The following KCNH8 variants were observed in gnomAD, a reference collection of about 807,000 sequenced individuals.
KCNH8 encodes potassium voltage-gated channel subfamily H member 8.
A neutral mutation model predicts 103.6 loss-of-function variants in KCNH8; 70 were observed. The ratio of observed to expected loss-of-function variants is 0.68; its 90% confidence interval spans 0.56 to 0.82. KCNH8 has a LOEUF of 0.82. KCNH8 is among the 40% of genes least tolerant of loss of function. KCNH8 has a pLI of 0.00. For missense variants in KCNH8, 1,217 were observed against 1,329.9 expected (o/e 0.92, Z 1.32); for synonymous variants, 498 against 489.4 (o/e 1.02, Z -0.23).
intron 3 of KCNH8, among the ~76,000 whole-genome samples, chr3:19,282,076 T>C (rs938484521): frequency 6.6e-5 from 10 of 152,148 alleles, no homozygotes; most frequent in African/African-American, 2.2e-4. Context: ...AGTTCTTTTT[T>C]AGAATCAGCT....
intron 5 of KCNH8, among the ~76,000 whole-genome samples, chr3:19,379,417 A>G (rs967801248): frequency 1.1e-4 from 17 of 152,144 alleles, no homozygotes; most frequent in African/African-American, 4.1e-4. Flanking sequence ...CATGGTGGGC[A>G]GATCACGAGG....
intron 1 of KCNH8, among the ~76,000 whole-genome samples, chr3:19,200,340 A>G (rs1048680332): frequency 2.6e-5 from 4 of 152,094 alleles, no homozygotes; most frequent in African/African-American, 9.6e-5. Flanking sequence ...GTCTGTTTTT[A>G]AAGAGAATTA....
At position 19,513,134 on chromosome 3, in the gene KCNH8, C is replaced by T; in HGVS notation, c.2244C>T (p.Tyr748=). 4 of 1,613,946 alleles carry T rather than the reference C, an allele frequency of 2.5e-6. No individual in the cohort carries two copies. Among genetic ancestry groups the T allele is most frequent in the Middle Eastern group, 1.7e-4 (1 of 6,060 alleles). ...AGAAGGTTGGAAGCAATAAAGCCTA[C>T]CTGGGCTTAAGCTTAAAGCAACTGG... is the stretch of plus-strand genomic sequence containing the variant. ...RNKKVGSNKA[Y]LGLSLKQLAS... The change falls in exon 13 of 16, where the codon TAC becomes TAT. Residue 748 remains tyrosine, a synonymous_variant. Transcript: ENST00000328405.
intron 5 of KCNH8, among the ~76,000 whole-genome samples, chr3:19,372,078 T>G (rs2066106594): frequency 6.6e-6 from 1 of 152,204 alleles, no homozygotes; most frequent in Non-Finnish European, 1.5e-5. Context: ...TGGCTGAGGA[T>G]TGACTTGGCG....
chr3:19,356,785 G>T (rs758231119), intron 5 of KCNH8, among the ~76,000 whole-genome samples: 1 of 151,824 alleles, frequency 6.6e-6, no homozygotes, highest in South Asian at 2.1e-4. Context: ...TTTTGCTTGA[G>T]TTTACAGTTA....
At chr3:19,397,089 T>C (rs529273920) in intron 7 of KCNH8, among the ~76,000 whole-genome samples, 5 of 152,120 alleles carry the variant, frequency 3.3e-5, no homozygotes, top group African/African-American at 1.2e-4. Context: ...AAAATCTAGC[T>C]GTTGTTTTTC....
chr3:19,352,043 C>T (rs1161767366), intron 5 of KCNH8, among the ~76,000 whole-genome samples: 5 of 152,026 alleles, frequency 3.3e-5, no homozygotes, highest in African/African-American at 9.6e-5. Context: ...TGGAGGAAGA[C>T]CTACCAAGCA....
intron 2 of KCNH8, among the ~76,000 whole-genome samples, chr3:19,276,591 C>G (rs1357198418): frequency 6.6e-6 from 1 of 152,096 alleles, no homozygotes; most frequent in South Asian, 2.1e-4. Flanking sequence ...TGGGACCACT[C>G]ACAACTCAGT....
chr3:19,519,401 T>C (rs762422607), intron 15 of KCNH8, among the ~76,000 whole-genome samples: 2 of 151,726 alleles, frequency 1.3e-5, no homozygotes, highest in Non-Finnish European at 2.9e-5. Flanking sequence ...ACTGAGTAGC[T>C]TGTCATAAAC....
At chr3:19,477,622 C>A (rs1269401165) in intron 11 of KCNH8, among the ~76,000 whole-genome samples, 1 of 151,686 alleles carries the variant, frequency 6.6e-6, no homozygotes, top group East Asian at 1.9e-4. Flanking sequence ...GGAATTATGG[C>A]CAGGTGGAAG....
chr3:19,470,909 C>A (rs2067842834), intron 11 of KCNH8, among the ~76,000 whole-genome samples: 1 of 152,170 alleles, frequency 6.6e-6, no homozygotes, highest in African/African-American at 2.4e-5. Context: ...AAATATGCTG[C>A]AGTGGCTCAT....
At chr3:19,377,623 G>T (rs913392040) in intron 5 of KCNH8, among the ~76,000 whole-genome samples, 4 of 152,126 alleles carry the variant, frequency 2.6e-5, no homozygotes, top group Non-Finnish European at 4.4e-5. Context: ...ACACTAAGAG[G>T]TTCAATGCCC....
intron 11 of KCNH8, among the ~76,000 whole-genome samples, chr3:19,492,665 CTCTT>C (rs1395935459): frequency 6.6e-6 from 1 of 152,008 alleles, no homozygotes; most frequent in Non-Finnish European, 1.5e-5. Context: ...GCTGTTTGGG[CTCTT>C]TTTTTGGTTC....
intron 11 of KCNH8, among the ~76,000 whole-genome samples, chr3:19,458,608 T>G (rs1020751122): frequency 1.3e-5 from 2 of 152,002 alleles, no homozygotes; most frequent in Non-Finnish European, 2.9e-5. Flanking sequence ...GTGAGAACAC[T>G]TAAAATCTCC....
chr3:19,186,216 C>T (rs2063500907), intron 1 of KCNH8, among the ~76,000 whole-genome samples: 1 of 150,736 alleles, frequency 6.6e-6, no homozygotes, highest in Non-Finnish European at 1.5e-5. Context: ...GACATTGCTG[C>T]ATCGCACAAT....
At chr3:19,383,748 TG>T (rs901562438) in intron 5 of KCNH8, among the ~76,000 whole-genome samples, 21 of 152,302 alleles carry the variant, frequency 1.4e-4, no homozygotes, top group African/African-American at 5.1e-4. Flanking sequence ...ACCCCCATTG[TG>T]AATTTTTTAA....
intron 1 of KCNH8, among the ~76,000 whole-genome samples, chr3:19,181,747 C>A (rs1559411735): frequency 6.6e-6 from 1 of 152,126 alleles, no homozygotes. Flanking sequence ...CTTGCACAGA[C>A]AACAGAAAGA....
At chr3:19,275,509 T>C (rs776404788) in intron 2 of KCNH8, among the ~76,000 whole-genome samples, 1 of 152,096 alleles carries the variant, frequency 6.6e-6, no homozygotes, top group African/African-American at 2.4e-5. Context: ...GTAAATTCAG[T>C]GAGGACTGAG....
intron 11 of KCNH8, among the ~76,000 whole-genome samples, chr3:19,461,762 A>G (rs6790388): frequency 0.65 from 98,751 of 151,974 alleles, 32,517 homozygotes; most frequent in African/African-American, 0.72. Context: ...GGTTTGCCGC[A>G]CCCATTAACT....
Sources: allele counts gnomAD v4.1 joint callset (sites outside exome capture counted in the v4.1 genomes callset), GRCh38; gene constraint gnomAD v4.1.1; transcripts MANE v1.5; gene names NCBI Gene and HGNC (gene_info 2026-07-23, HGNC 2026-07-21).